CD86: variants seen among roughly 807,000 people sequenced by gnomAD.
CD86 encodes T-lymphocyte activation antigen CD86.
Under a neutral mutation model 32.1 loss-of-function variants are expected in CD86, and 11 were observed. That is an observed-to-expected ratio of 0.34 (90% CI 0.22 to 0.57). The LOEUF is 0.57. CD86 is among the 20% of genes least tolerant of loss of function. The pLI is 0.86. For synonymous variants in CD86, 137 were observed against 135.3 expected, an observed-to-expected ratio of 1.01 and a Z score of -0.09; for missense variants, 359 against 398.4, an observed-to-expected ratio of 0.90 and a Z score of 0.84.
intron 1 of CD86, among the ~76,000 whole-genome samples, chr3:122,059,861 C>T (rs2072301661): frequency 6.6e-6 from 1 of 152,102 alleles, no homozygotes; most frequent in Non-Finnish European, 1.5e-5. Flanking sequence ...GGGAAACACA[C>T]AGCGGAAAAG....
intron 5 of CD86, 38 bp downstream of exon 5, chr3:122,109,446 T>G: frequency 6.2e-7 from 1 of 1,611,810 alleles, no homozygotes; most frequent in South Asian, 1.1e-5. Flanking sequence ...ACTGTCACTT[T>G]GCACCTACTT....
At chr3:122,061,618 T>G (rs1041714495) in intron 1 of CD86, among the ~76,000 whole-genome samples, 4 of 152,148 alleles carry the variant, frequency 2.6e-5, no homozygotes, top group Admixed American at 6.5e-5. Flanking sequence ...GTCAACATCA[T>G]TTGCCTTTAT....
rs2073087439 is a variant in CD86 at position 122,106,108 on chromosome 3, G to A, written c.401-90G>A. 6 of 999,164 alleles carry A rather than the reference G, an allele frequency of 6.0e-6. No individual in the cohort carries two copies. The East Asian group carries it at 1.0e-4, about 17-fold the overall frequency. The allele number at this position is 999,164 out of a possible 1,614,324, so 61.9% of individuals were successfully genotyped here. ...GAGGCTCCCAGGTGTGCCCCAATGA[G>A]CCCCAGATCAAGTACCCAGTTATTT... On this transcript the variant is annotated intron_variant, in intron 3 of 6. Transcript: ENST00000330540.
intron 2 of CD86, among the ~76,000 whole-genome samples, chr3:122,095,614 A>T (rs562224709): frequency 6.6e-6 from 1 of 152,266 alleles, no homozygotes; most frequent in South Asian, 2.1e-4. Flanking sequence ...GCTGTTGTTG[A>T]TAGCCCTCAT....
At chr3:122,079,683 C>T (rs765164855) in intron 1 of CD86, among the ~76,000 whole-genome samples, 9 of 152,114 alleles carry the variant, frequency 5.9e-5, no homozygotes, top group Non-Finnish European at 1.2e-4. Context: ...GTGCTGTTTC[C>T]GAACTGTACA....
At chr3:122,105,288 G>T (rs946365008) in intron 3 of CD86, among the ~76,000 whole-genome samples, 1 of 152,194 alleles carries the variant, frequency 6.6e-6, no homozygotes, top group African/African-American at 2.4e-5. Context: ...GCTAAACACG[G>T]TCTGGCAATT....
chr3:122,075,418 TG>T (rs1387132941), intron 1 of CD86, among the ~76,000 whole-genome samples: 4 of 152,248 alleles, frequency 2.6e-5, no homozygotes, highest in African/African-American at 9.6e-5. Flanking sequence ...TAATATGTTC[TG>T]GTAGTTCTAG....
At chr3:122,082,792 C>A (rs902200987) in intron 1 of CD86, among the ~76,000 whole-genome samples, 1 of 152,200 alleles carries the variant, frequency 6.6e-6, no homozygotes, top group Non-Finnish European at 1.5e-5. Flanking sequence ...TCAGCTAACT[C>A]ATTTTTGAGC....
At chr3:122,074,588 A>G (rs1559900455) in intron 1 of CD86, among the ~76,000 whole-genome samples, 1 of 152,164 alleles carries the variant, frequency 6.6e-6, no homozygotes, top group Non-Finnish European at 1.5e-5. Context: ...CAACAAACAG[A>G]TGGCTGAAAT....
chr3:122,057,177 A>T (rs1204635826), intron 1 of CD86, among the ~76,000 whole-genome samples: 5 of 152,226 alleles, frequency 3.3e-5, no homozygotes, highest in African/African-American at 1.2e-4. Context: ...ATCTTTCTGG[A>T]CAATAATCTA....
At position 122,106,515 on chromosome 3, in the gene CD86, C is replaced by T. The variant is rs1451878248; in HGVS notation, c.703+15C>T. 6.3e-7 allele frequency: 1 copy of T among 1,579,980 alleles called. No homozygotes were observed. The highest frequency in any genetic ancestry group is 2.2e-5 in the East Asian group (1 of 44,602). ...TTTCTCTATAGGTAAAGCTGTTTTC[C>T]AAGACTATTTCTTTCAGCAGGTATT... On this transcript the variant is annotated intron_variant, in intron 4 of 6. Coordinates refer to ENST00000330540, the MANE Select transcript of CD86 (RefSeq NM_175862.5).
chr3:122,064,554 G>A (rs571605456), intron 1 of CD86, among the ~76,000 whole-genome samples: 9 of 152,242 alleles, frequency 5.9e-5, no homozygotes, highest in African/African-American at 1.7e-4. Context: ...GTCCACAGGC[G>A]AGCCCCATTT....
intron 1 of CD86, among the ~76,000 whole-genome samples, chr3:122,083,837 T>G (rs879113976): frequency 6.6e-6 from 1 of 152,244 alleles, no homozygotes; most frequent in Admixed American, 6.5e-5. Context: ...ATAATTTGTA[T>G]TCTGATTACA....
chr3:122,082,763 A>G (rs1051666429), intron 1 of CD86, among the ~76,000 whole-genome samples: 1 of 152,146 alleles, frequency 6.6e-6, no homozygotes, highest in Non-Finnish European at 1.5e-5. Context: ...CTCTCTTTTC[A>G]GGCTTTATGA....
intron 1 of CD86, among the ~76,000 whole-genome samples, chr3:122,070,803 C>G (rs989932289): frequency 1.1e-4 from 17 of 152,106 alleles, no homozygotes; most frequent in Non-Finnish European, 2.5e-4. Context: ...AGCATTGATT[C>G]CAAGGGTGCA....
At chr3:122,063,756 T>G (rs2072372183) in intron 1 of CD86, among the ~76,000 whole-genome samples, 1 of 152,016 alleles carries the variant, frequency 6.6e-6, no homozygotes, top group Non-Finnish European at 1.5e-5. Context: ...CACAGTTTCA[T>G]CATGGGGCTG....
chr3:122,079,428 A>C (rs2072599913), intron 1 of CD86, among the ~76,000 whole-genome samples: 1 of 152,188 alleles, frequency 6.6e-6, no homozygotes, highest in South Asian at 2.1e-4. Flanking sequence ...CTGAGGTGGG[A>C]GTTGAGGTTA....
At chr3:122,096,500 G>A (rs920426743) in intron 2 of CD86, among the ~76,000 whole-genome samples, 1 of 151,766 alleles carries the variant, frequency 6.6e-6, no homozygotes, top group African/African-American at 2.4e-5. Flanking sequence ...GATAGACATT[G>A]TTCTCTATCA....
At chr3:122,057,129 G>A (rs1030555160) in intron 1 of CD86, among the ~76,000 whole-genome samples, 2 of 152,172 alleles carry the variant, frequency 1.3e-5, no homozygotes, top group Admixed American at 6.5e-5. Context: ...AAGAAGGGAG[G>A]ATTATTTGTA....
Sources: allele counts gnomAD v4.1 joint callset (sites outside exome capture counted in the v4.1 genomes callset), GRCh38; gene constraint gnomAD v4.1.1; transcripts MANE v1.5; gene names NCBI Gene and HGNC (gene_info 2026-07-23, HGNC 2026-07-21).